FABP12: variants seen among roughly 807,000 people sequenced by gnomAD.
FABP12 encodes fatty acid binding protein 12, also known as fatty acid-binding protein 12.
A neutral mutation model predicts 13.7 loss-of-function variants in FABP12; 19 were observed. The ratio of observed to expected loss-of-function variants is 1.39; its 90% confidence interval spans 0.97 to 2.04. The LOEUF is 2.04. Ranked by LOEUF, FABP12 falls within the 30% of genes most tolerant of loss-of-function variation. The pLI, the probability that FABP12 is intolerant of heterozygous loss-of-function variation, is 0.00. For missense variants in FABP12, 182 were observed against 164.2 expected (o/e 1.11, Z -0.59); for synonymous variants, 61 against 57.0 (o/e 1.07, Z -0.32).
intron 1 of FABP12, among the ~76,000 whole-genome samples, chr8:81,559,399 C>T (rs570790547): frequency 2.0e-5 from 3 of 152,188 alleles, no homozygotes; most frequent in Non-Finnish European, 4.4e-5. Flanking sequence ...TGATGGCCAA[C>T]TGATCAAATA....
intron 1 of FABP12, among the ~76,000 whole-genome samples, chr8:81,546,961 T>C (rs1809445456): frequency 6.6e-6 from 1 of 152,236 alleles, no homozygotes; most frequent in Non-Finnish European, 1.5e-5. Context: ...TATTACTTGC[T>C]CAAGCAGGTT....
intron 1 of FABP12, among the ~76,000 whole-genome samples, chr8:81,580,081 T>A (rs1441749635): frequency 1.3e-5 from 2 of 152,212 alleles, no homozygotes; most frequent in African/African-American, 2.4e-5. Flanking sequence ...CCTATATTGT[T>A]GCATTTTGAC....
chr8:81,535,495 G>A (rs1402996788), upstream of FABP12, among the ~76,000 whole-genome samples: 1 of 152,118 alleles, frequency 6.6e-6, no homozygotes, highest in African/African-American at 2.4e-5. Context: ...ACGCATTCAA[G>A]GCCTAGGGAA....
intron 1 of FABP12, among the ~76,000 whole-genome samples, chr8:81,560,677 A>C (rs893123707): frequency 3.3e-5 from 5 of 152,178 alleles, no homozygotes; most frequent in African/African-American, 1.2e-4. Context: ...ACTCTGTAGG[A>C]GTCATCATTA....
intron 1 of FABP12, among the ~76,000 whole-genome samples, chr8:81,540,767 A>C (rs1809322428): frequency 6.6e-6 from 1 of 152,220 alleles, no homozygotes. Context: ...GTTTTGAAAA[A>C]TATACACGTT....
At chr8:81,543,964 T>C (rs183713421) in intron 1 of FABP12, among the ~76,000 whole-genome samples, 1 of 152,286 alleles carries the variant, frequency 6.6e-6, no homozygotes, top group East Asian at 1.9e-4. Flanking sequence ...TTAGTACATT[T>C]ACAGTGTCTA....
At chr8:81,539,106 C>T (rs979974040) in intron 2 of FABP12, among the ~76,000 whole-genome samples, 2 of 152,120 alleles carry the variant, frequency 1.3e-5, no homozygotes, top group Non-Finnish European at 2.9e-5. Context: ...ACCTCGGCCT[C>T]CCAATGTGCT....
chr8:81,529,278 G>T, intron 3 of FABP12, 160 bp downstream of exon 3: 1 of 716,502 alleles, frequency 1.4e-6, no homozygotes, highest in Admixed American at 2.6e-5. Flanking sequence ...AAGCATCCCA[G>T]AAGATTTGTA....
At chr8:81,558,747 G>T (rs766805917) in intron 1 of FABP12, among the ~76,000 whole-genome samples, 1 of 151,846 alleles carries the variant, frequency 6.6e-6, no homozygotes, top group Non-Finnish European at 1.5e-5. Flanking sequence ...AAAATTATCC[G>T]GGCATGGTGG....
chr8:81,575,006 G>C (rs1160227837), intron 1 of FABP12, among the ~76,000 whole-genome samples: 1 of 150,764 alleles, frequency 6.6e-6, no homozygotes, highest in Non-Finnish European at 1.5e-5. Flanking sequence ...GGTTTGGTTT[G>C]TTGTTCCTGT....
At chr8:81,554,433 T>A (rs1585847778) in intron 1 of FABP12, among the ~76,000 whole-genome samples, 1 of 152,200 alleles carries the variant, frequency 6.6e-6, no homozygotes, top group South Asian at 2.1e-4. Flanking sequence ...AATGGCAGAG[T>A]CAGGATTTGA....
upstream of FABP12, among the ~76,000 whole-genome samples, chr8:81,537,767 G>A (rs968333666): frequency 1.3e-5 from 2 of 152,140 alleles, no homozygotes; most frequent in African/African-American, 4.8e-5. Flanking sequence ...CCTGGAGGTG[G>A]GCAGTGGACA....
intron 1 of FABP12, among the ~76,000 whole-genome samples, chr8:81,578,776 G>A (rs147684934): frequency 0.015 from 2,150 of 146,808 alleles, 19 homozygotes; most frequent in Middle Eastern, 0.042. Flanking sequence ...GAGCCACCGC[G>A]CCTGGCCTAT....
intron 1 of FABP12, among the ~76,000 whole-genome samples, chr8:81,582,662 T>G (rs1810184371): frequency 6.6e-6 from 1 of 152,038 alleles, no homozygotes; most frequent in African/African-American, 2.4e-5. Context: ...GTTATGACAA[T>G]TCTAAACATA....
At chr8:81,526,960 T>C in intron 4 of FABP12, 60 bp downstream of exon 4, 1 of 949,590 alleles carries the variant, frequency 1.1e-6, no homozygotes. Flanking sequence ...TGAGAACAAG[T>C]TGTGATTTTA....
chr8:81,551,421 T>C (rs1452971084), intron 1 of FABP12, among the ~76,000 whole-genome samples: 3 of 152,168 alleles, frequency 2.0e-5, no homozygotes, highest in Non-Finnish European at 4.4e-5. Flanking sequence ...GGTCCCAGTA[T>C]TCTCAGAAGT....
At chr8:81,572,617 A>G (rs1021651645) in intron 1 of FABP12, among the ~76,000 whole-genome samples, 7 of 151,968 alleles carry the variant, frequency 4.6e-5, no homozygotes, top group Admixed American at 4.6e-4. Flanking sequence ...ACCAACATCT[A>G]CTGTTTTTTG....
At chr8:81,576,661 C>G (rs886213079) in intron 1 of FABP12, among the ~76,000 whole-genome samples, 4 of 152,148 alleles carry the variant, frequency 2.6e-5, no homozygotes, top group Admixed American at 2.6e-4. Context: ...AGCCATTTCA[C>G]ATTCAGTTAA....
intron 2 of FABP12, among the ~76,000 whole-genome samples, chr8:81,530,148 T>C (rs1809027476): frequency 6.6e-6 from 1 of 152,190 alleles, no homozygotes; most frequent in Admixed American, 6.6e-5. Flanking sequence ...TTCAGTGGTA[T>C]TGAGAACATC....
Sources: gnomAD v4.1 joint callset for allele counts (sites outside exome capture counted in the v4.1 genomes callset) on GRCh38, gnomAD v4.1.1 for gene constraint, MANE v1.5 for transcripts, NCBI Gene and HGNC (gene_info 2026-07-23, HGNC 2026-07-21) for gene names.